Variants in KLF8 observed in about 807,000 individuals in gnomAD.
KLF8 encodes the protein Krueppel-like factor 8.
In KLF8, 10 loss-of-function variants were observed where a neutral mutation model predicts 18.2. That is an observed-to-expected ratio of 0.55 (90% CI 0.34 to 0.93). The LOEUF (loss-of-function observed/expected upper bound fraction) is 0.93, where lower values mean the gene tolerates loss of function less well. Ranked by LOEUF, KLF8 falls within the 40% of genes least tolerant of loss-of-function variation. KLF8 has a pLI of 0.02. For missense variants in KLF8, 264 were observed against 277.9 expected, an observed-to-expected ratio of 0.95 and a Z score of 0.36; for synonymous variants, 109 against 97.3, an observed-to-expected ratio of 1.12 and a Z score of -0.71.
chrX:56,247,633 A>C (rs1015454402), intron 1 of KLF8, among the ~76,000 whole-genome samples: 2 of 110,587 alleles, frequency 1.8e-5, no homozygotes, highest in Non-Finnish European at 3.8e-5. Flanking sequence ...TTTGTTAAAA[A>C]CTAAGACACA....
chrX:55,939,496 A>G, the KLF8 span, among the ~76,000 whole-genome samples: 1 of 111,935 alleles, frequency 8.9e-6, no homozygotes, highest in Non-Finnish European at 1.9e-5. Flanking sequence ...CACGTTCAAA[A>G]TCTAGCAGAA....
chrX:56,207,933 C>T, the KLF8 span, among the ~76,000 whole-genome samples: 1 of 110,988 alleles, frequency 9.0e-6, no homozygotes, highest in Non-Finnish European at 1.9e-5. Context: ...GCTGGGGAAG[C>T]CTCACAATCA....
chrX:55,946,608 A>C, the KLF8 span, among the ~76,000 whole-genome samples: 1 of 111,843 alleles, frequency 8.9e-6, no homozygotes, highest in African/African-American at 3.2e-5. Flanking sequence ...ACCAAAAGCA[A>C]TGGTAACAAA....
the KLF8 span, among the ~76,000 whole-genome samples, chrX:56,223,173 T>A: frequency 1.8e-5 from 2 of 113,177 alleles, no homozygotes; most frequent in Non-Finnish European, 3.7e-5. Flanking sequence ...AGGAGTGATA[T>A]GTTATGTGAT....
chrX:55,979,765 A>T, the KLF8 span, among the ~76,000 whole-genome samples: 7 of 111,523 alleles, frequency 6.3e-5, no homozygotes, highest in Non-Finnish European at 1.3e-4. Flanking sequence ...AAGAAGGGTT[A>T]GTTTTGAGAG....
chrX:55,908,415 G>A, the KLF8 span: 1 of 294,702 alleles, frequency 3.4e-6, no homozygotes, highest in African/African-American at 2.7e-5. Context: ...TGTAGTAGTA[G>A]ATGGGGTGGA....
Position 56,288,516 on chromosome X carries a change from G to T in KLF8, c.*4022G>T, listed in dbSNP as rs1326162752. Among the ~76,000 whole-genome samples, 7 of 110,780 alleles carry T rather than the reference G, an allele frequency of 6.3e-5. No homozygotes were observed. The highest frequency in any genetic ancestry group is 1.3e-4 in the Non-Finnish European group (7 of 52,951). On this transcript the variant is annotated 3_prime_UTR_variant, in exon 6 of 6. Coordinates refer to ENST00000468660, the MANE Select transcript of KLF8 (RefSeq NM_007250.5). Reference sequence around the variant, plus strand: ...CATACTTTGGAGACAATGCAGATTTGGTTCCAGATCACTGCAATGAAGCAA... The same window carrying T: ...CATACTTTGGAGACAATGCAGATTTTGTTCCAGATCACTGCAATGAAGCAA...
chrX:56,284,391 G>T lies in KLF8; in HGVS notation c.977G>T (p.Arg326Leu). The change falls in exon 6 of 6, where the codon CGC (arginine) becomes CTC (leucine). Residue 326 changes from arginine (R) to leucine (L), a missense_variant. Arg to Leu is a moderately radical substitution (Grantham distance 102). Transcript: ENST00000468660. ...ARSDELTRHF[R>L]KHTGIKPFRC... ...TCAGATGAGCTCACTCGCCATTTCCGCAAGCACACAGGCATCAAGCCTTTT... is the reference window on the plus strand; with the variant it reads ...TCAGATGAGCTCACTCGCCATTTCCTCAAGCACACAGGCATCAAGCCTTTT... 8.3e-7 allele frequency: 1 copy of T among 1,207,164 alleles called. No homozygotes were observed. The highest frequency in any genetic ancestry group is 1.1e-6 in the Non-Finnish European group (1 of 893,177).
chrX:56,131,730 C>G, the KLF8 span, among the ~76,000 whole-genome samples: 2 of 111,505 alleles, frequency 1.8e-5, no homozygotes, highest in Non-Finnish European at 3.8e-5. Flanking sequence ...TATCTGCTGC[C>G]TTGAAGAGAC....
the KLF8 span, among the ~76,000 whole-genome samples, chrX:55,915,536 A>G: frequency 4.5e-5 from 5 of 112,107 alleles, no homozygotes; most frequent in African/African-American, 1.6e-4. Context: ...CCGAGGTCAC[A>G]ACTCAAGGGT....
At chrX:56,050,169 T>G in the KLF8 span, among the ~76,000 whole-genome samples, 3 of 111,005 alleles carry the variant, frequency 2.7e-5, no homozygotes, top group Non-Finnish European at 5.7e-5. Flanking sequence ...TTCTTCTTTA[T>G]TAGTCTTGCT....
chrX:56,018,075 A>C, the KLF8 span, among the ~76,000 whole-genome samples: 1 of 111,718 alleles, frequency 9.0e-6, no homozygotes, highest in Non-Finnish European at 1.9e-5. Flanking sequence ...TGAAATGTAC[A>C]ATAAATTATT....
chrX:56,085,202 C>G, the KLF8 span, among the ~76,000 whole-genome samples: 2 of 111,405 alleles, frequency 1.8e-5, no homozygotes, highest in Non-Finnish European at 3.8e-5. Context: ...TAGCCCTCAT[C>G]ACTAGATATG....
At chrX:56,015,200 G>A in the KLF8 span, 2 of 111,181 alleles carry the variant, frequency 1.8e-5, no homozygotes, top group Non-Finnish European at 3.8e-5. Context: ...TCAACATCAT[G>A]GACTTCCTGA....
chrX:56,024,828 G>C, the KLF8 span, among the ~76,000 whole-genome samples: 2 of 112,068 alleles, frequency 1.8e-5, no homozygotes, highest in Non-Finnish European at 3.8e-5. Flanking sequence ...CTGGTGCCTG[G>C]CACCGGGCTG....
chrX:55,939,594 T>G, the KLF8 span, among the ~76,000 whole-genome samples: 2 of 111,340 alleles, frequency 1.8e-5, no homozygotes, highest in African/African-American at 6.5e-5. Context: ...GGAGGTGGTT[T>G]TTTGGAAAGA....
At chrX:55,922,379 G>A in the KLF8 span, among the ~76,000 whole-genome samples, 6 of 112,405 alleles carry the variant, frequency 5.3e-5, no homozygotes, top group Admixed American at 4.7e-4. Flanking sequence ...ACCAAACACT[G>A]CGTGTTCTCA....
At chrX:56,048,444 A>T in the KLF8 span, among the ~76,000 whole-genome samples, 1 of 111,745 alleles carries the variant, frequency 8.9e-6, no homozygotes, top group African/African-American at 3.3e-5. Context: ...TAATTTTTGT[A>T]TAAGGTGTAA....
the KLF8 span, among the ~76,000 whole-genome samples, chrX:56,106,499 G>A: frequency 1.8e-5 from 2 of 111,733 alleles, no homozygotes; most frequent in East Asian, 5.7e-4. Flanking sequence ...CCATTTGATC[G>A]AATCAGCTAC....
Sources: allele counts gnomAD v4.1 joint callset (sites outside exome capture counted in the v4.1 genomes callset), GRCh38; gene constraint gnomAD v4.1.1; transcripts MANE v1.5; gene names NCBI Gene and HGNC (gene_info 2026-07-23, HGNC 2026-07-21).